The following NEUROD2 variants were observed in gnomAD, a reference collection of about 807,000 sequenced individuals.
The protein encoded by NEUROD2 is neuronal differentiation 2.
NEUROD2 carries 5 observed loss-of-function variants against 9.3 expected under a neutral mutation model. The ratio of observed to expected loss-of-function variants is 0.54; its 90% CI spans 0.28 to 1.13. The LOEUF is 1.13. NEUROD2 is among the 50% of genes most tolerant of loss of function. NEUROD2 has a pLI of 0.10. For missense variants in NEUROD2, 376 were observed against 549.2 expected, an observed-to-expected ratio of 0.68 and a Z score of 3.15; for synonymous variants, 277 against 257.3, an observed-to-expected ratio of 1.08 and a Z score of -0.73.
In NEUROD2 at chr17:39,605,695, G is replaced by T. The variant is rs772966261; in HGVS notation, c.905C>A (p.Pro302Gln). ...TGAGAAGTTGCCATTGAGACAGAGC[G>T]GGGGGCTGAGCGGGCCCTCGTACTC... ...SSEYEGPLSP[P>Q]LCLNGNFSLK... Residue 302 changes from proline (P) to glutamine (Q), a missense_variant, in exon 2 of 2, where the codon CCG becomes CAG. Pro to Gln is a moderately conservative substitution (Grantham distance 76). This residue lies in a region of NEUROD2 where 193 missense variants were observed against 255.8 expected (regional missense o/e 0.75). Transcript: ENST00000302584. This position sits in a 1 kb window ranked among gnomAD's most constrained non-coding sequence, Gnocchi z 6.8. 2.5e-6 allele frequency: 4 copies of T among 1,606,860 alleles called. No homozygotes were observed. The African/African-American group carries it at 5.4e-5, about 22-fold the overall frequency.
Position 39,605,374 on chromosome 17 carries a change from G to C in NEUROD2, c.*77C>G, listed in dbSNP as rs1274673328. On this transcript the variant is annotated 3_prime_UTR_variant, in exon 2 of 2. Coordinates refer to ENST00000302584, the MANE Select transcript of NEUROD2 (RefSeq NM_006160.4). This position sits in a 1 kb window ranked among gnomAD's most constrained non-coding sequence, Gnocchi z 6.8. ...CGCCCGGCGCCGGGGTAGGATGGGG[G>C]TGTCCCTGCGCTCTGGGGGCTGGGG... is the stretch of plus-strand genomic sequence containing the variant. The C allele has an allele frequency of 7.6e-6, 11 of 1,446,148 alleles. No homozygotes were observed. The highest frequency in any genetic ancestry group is 1.4e-5 in the African/African-American group (1 of 69,680). The allele number at this position is 1,446,148 out of a possible 1,614,324, so 89.6% of individuals were successfully genotyped here. A position where few individuals can be genotyped will look rare whatever the true frequency, so the allele number is the denominator to read the frequency against.
In NEUROD2 at chr17:39,606,463, G is replaced by A; in HGVS notation, c.137C>T (p.Pro46Leu). The A allele has an allele frequency of 6.5e-7, 1 of 1,532,296 alleles. No homozygotes were observed. The highest frequency in any genetic ancestry group is 8.7e-7 in the Non-Finnish European group (1 of 1,145,028). 94.9% of individuals were successfully genotyped at this position (1,532,296 alleles called of 1,614,324 possible). A position where few individuals can be genotyped will look rare whatever the true frequency, so the allele number is the denominator to read the frequency against. The change falls in exon 2 of 2, where the codon CCA (proline) becomes CTA (leucine). Residue 46 changes from proline (P) to leucine (L), a missense_variant. Around this residue, in one of 3 missense-constraint regions of NEUROD2, gnomAD observed 134 missense variants for 133.6 expected, o/e 1.00. Transcript: ENST00000302584. The surrounding 1 kb of genome is among the most constrained non-coding windows in gnomAD (Gnocchi z 7.8). Reference protein sequence around the residue: ...APPPPPPAPGPGAPGPARAAK... With the variant: ...APPPPPPAPGLGAPGPARAAK... ...CGCCCGGGCTGGCCCCGGAGCCCCT[G>A]GCCCGGGCGCAGGCGGTGGCGGTGG...
In NEUROD2 at chr17:39,606,935, T is replaced by G; in HGVS notation, c.-5-331A>C. The G allele has an allele frequency of 4.8e-5, 10 of 209,092 alleles. No homozygotes were observed. The highest frequency in any genetic ancestry group is 1.2e-4 in the Admixed American group (2 of 16,784). 13.0% of individuals were successfully genotyped at this position (209,092 alleles called of 1,614,324 possible). ...GGGGGTTTTAGGGACCAGATATCTT[T>G]GCCAGGGGAGGCGGCGCGCTCGCCC... On this transcript the variant is annotated intron_variant, in intron 1 of 1. Transcript: ENST00000302584. This position sits in a 1 kb window ranked among gnomAD's most constrained non-coding sequence, Gnocchi z 7.8.
Position 39,605,608 on chromosome 17 carries a change from G to C in NEUROD2, c.992C>G (p.Ala331Gly). 1 of 1,613,722 alleles carries C rather than the reference G, an allele frequency of 6.2e-7. No individual in the cohort carries two copies. Among genetic ancestry groups the C allele is most frequent in the Non-Finnish European group, 8.5e-7 (1 of 1,179,850 alleles). The change falls in exon 2 of 2, where the codon GCG (alanine) becomes GGG (glycine). Residue 331 changes from alanine (A) to glycine (G), a missense_variant. By Grantham distance (60) the Ala-to-Gly change is moderately conservative. Around this residue, in one of 3 missense-constraint regions of NEUROD2, gnomAD observed 193 missense variants for 255.8 expected, o/e 0.75. Coordinates refer to ENST00000302584, the MANE Select transcript of NEUROD2 (RefSeq NM_006160.4). This position sits in a 1 kb window ranked among gnomAD's most constrained non-coding sequence, Gnocchi z 6.8. ...GCCCGTGGGCCGCGAACCGGGCAGCGCCGAGTAGTGCATAGAGTAGTGGTA... is the reference window on the plus strand; with the variant it reads ...GCCCGTGGGCCGCGAACCGGGCAGCCCCGAGTAGTGCATAGAGTAGTGGTA... ...KSYHYSMHYS[A>G]LPGSRPTGHG...
rs1303378600 is a variant in NEUROD2, at chr17:39,605,240, G to C, written c.*211C>G. The C allele has an allele frequency of 1.8e-6, 1 of 552,534 alleles. No individual in the cohort carries two copies. Among genetic ancestry groups the C allele is most frequent in the Non-Finnish European group, 3.1e-6 (1 of 325,302 alleles). 34.2% of individuals were successfully genotyped at this position (552,534 alleles called of 1,614,324 possible). A position where few individuals can be genotyped will look rare whatever the true frequency, so the allele number is the denominator to read the frequency against. On this transcript the variant is annotated 3_prime_UTR_variant, in exon 2 of 2. Transcript: ENST00000302584. This position sits in a 1 kb window ranked among gnomAD's most constrained non-coding sequence, Gnocchi z 6.8. ...AGAGGAGGAGGGAACCCCTTGGGGAGAGAGAAGGCGAGTCCCCTGGGGGAA... is the reference window on the plus strand; with the variant it reads ...AGAGGAGGAGGGAACCCCTTGGGGACAGAGAAGGCGAGTCCCCTGGGGGAA...
In NEUROD2 at chr17:39,603,833, A is replaced by G. The variant is rs531657682; in HGVS notation, c.*1618T>C. 1 of 152,866 alleles carries G rather than the reference A, an allele frequency of 6.5e-6. No individual in the cohort carries two copies. Among genetic ancestry groups the G allele is most frequent in the South Asian group, 2.1e-4 (1 of 4,822 alleles). 9.5% of individuals were successfully genotyped at this position (152,866 alleles called of 1,614,324 possible). A position where few individuals can be genotyped will look rare whatever the true frequency, so the allele number is the denominator to read the frequency against. ...TCATTAAACTGAACAGAAACACGCAATGCACTTCGGGTGTCCGACGGGAGT... is the reference window on the plus strand; with the variant it reads ...TCATTAAACTGAACAGAAACACGCAGTGCACTTCGGGTGTCCGACGGGAGT... On this transcript the variant is annotated 3_prime_UTR_variant, in exon 2 of 2. Coordinates refer to ENST00000302584, the MANE Select transcript of NEUROD2 (RefSeq NM_006160.4).
In NEUROD2 at chr17:39,606,612, C is replaced by A; in HGVS notation, c.-5-8G>T. The A allele has an allele frequency of 6.5e-7, 1 of 1,538,034 alleles. No homozygotes were observed. The highest frequency in any genetic ancestry group is 1.2e-5 in the South Asian group (1 of 84,064). On this transcript the variant is annotated splice_region_variant and splice_polypyrimidine_tract_variant and intron_variant, in intron 1 of 1. Transcript: ENST00000302584. The surrounding 1 kb of genome is among the most constrained non-coding windows in gnomAD (Gnocchi z 7.8). ...GGCGGGTCAGCATGGTGCCTGAGGG[C>A]GCCCCGCGGGCGGGAAGGGGAGACA... is the stretch of plus-strand genomic sequence containing the variant.
chr17:39,607,707 G>T (rs1333507438), intron 1 of NEUROD2, 21 bp downstream of exon 1: 1 of 940,196 alleles, frequency 1.1e-6, no homozygotes, highest in Non-Finnish European at 1.3e-6. Flanking sequence ...GTCAGATCTC[G>T]CTCCCTTTCG....
In NEUROD2 at chr17:39,604,051, C is replaced by G. The variant is rs983413154; in HGVS notation, c.*1400G>C. ...AGCCCTCAGACCTCTCCCCGCCCAC[C>G]CACCAGCTAAAGCCAAGAGGACTCC... On this transcript the variant is annotated 3_prime_UTR_variant, in exon 2 of 2. Transcript: ENST00000302584. The G allele has an allele frequency of 1.3e-5, 2 of 152,716 alleles. No homozygotes were observed. The highest frequency in any genetic ancestry group is 2.4e-5 in the African/African-American group (1 of 41,436). 9.5% of individuals were successfully genotyped at this position (152,716 alleles called of 1,614,324 possible).
At position 39,605,699 on chromosome 17, in the gene NEUROD2, G is replaced by T. The variant is rs1265720537; in HGVS notation, c.901C>A (p.Pro301Thr). 3 of 1,605,926 alleles carry T rather than the reference G, an allele frequency of 1.9e-6. No individual in the cohort carries two copies. Among genetic ancestry groups the T allele is most frequent in the South Asian group, 2.2e-5 (2 of 89,858 alleles). ...AAGTTGCCATTGAGACAGAGCGGGGGGCTGAGCGGGCCCTCGTACTCGGAG... is the reference window on the plus strand; with the variant it reads ...AAGTTGCCATTGAGACAGAGCGGGGTGCTGAGCGGGCCCTCGTACTCGGAG... ...NSSEYEGPLSPPLCLNGNFSL... is the reference protein window; with the variant it reads ...NSSEYEGPLSTPLCLNGNFSL... The change falls in exon 2 of 2, where the codon CCC becomes ACC. Residue 301 changes from proline to threonine, a missense_variant. This residue lies in a region of NEUROD2 where 193 missense variants were observed against 255.8 expected (regional missense o/e 0.75). Coordinates refer to ENST00000302584, the MANE Select transcript of NEUROD2 (RefSeq NM_006160.4). This position sits in a 1 kb window ranked among gnomAD's most constrained non-coding sequence, Gnocchi z 6.8.
rs1326992807 is a variant in NEUROD2, at chr17:39,605,288, C to T, written c.*163G>A. The T allele has an allele frequency of 3.2e-6, 3 of 939,022 alleles. No individual in the cohort carries two copies. The highest frequency in any genetic ancestry group is 3.3e-5 in the African/African-American group (2 of 59,758). 58.2% of individuals were successfully genotyped at this position (939,022 alleles called of 1,614,324 possible). On this transcript the variant is annotated 3_prime_UTR_variant, in exon 2 of 2. Transcript: ENST00000302584. The surrounding 1 kb of genome is among the most constrained non-coding windows in gnomAD (Gnocchi z 6.8). The stretch of plus-strand genomic sequence containing the variant: ...GAAGCGAGGCCCCTGGGACAGGCCA[C>T]CCACAGGTAACAGGACTGCGCTGCC...
chr17:39,606,823 G>C lies in NEUROD2; in HGVS notation c.-5-219C>G, dbSNP rs1394798528. On this transcript the variant is annotated intron_variant, in intron 1 of 1. Coordinates refer to ENST00000302584, the MANE Select transcript of NEUROD2 (RefSeq NM_006160.4). This position sits in a 1 kb window ranked among gnomAD's most constrained non-coding sequence, Gnocchi z 7.8. ...GGATCTCGGCCCAGGCCCTCTCCCC[G>C]GCGCTGGGCCCCGGCTCCGCCCCTC... 1.0e-5 allele frequency: 5 copies of C among 493,326 alleles called. No homozygotes were observed. The highest frequency in any genetic ancestry group is 7.1e-5 in the East Asian group (2 of 28,100). 30.6% of individuals were successfully genotyped at this position (493,326 alleles called of 1,614,324 possible).
Position 39,606,848 on chromosome 17 carries a change from C to CGCTTGAAT in NEUROD2, c.-5-252_-5-245dup. 1 of 469,370 alleles carries CGCTTGAAT rather than the reference C, an allele frequency of 2.1e-6. No homozygotes were observed. Among genetic ancestry groups the CGCTTGAAT allele is most frequent in the Non-Finnish European group, 3.7e-6 (1 of 269,102 alleles). The allele number at this position is 469,370 out of a possible 1,614,324, so 29.1% of individuals were successfully genotyped here. A position where few individuals can be genotyped will look rare whatever the true frequency, so the allele number is the denominator to read the frequency against. On this transcript the variant is annotated intron_variant, in intron 1 of 1. Coordinates refer to ENST00000302584, the MANE Select transcript of NEUROD2 (RefSeq NM_006160.4). The surrounding 1 kb of genome is among the most constrained non-coding windows in gnomAD (Gnocchi z 7.8). ...GGCGCTGGGCCCCGGCTCCGCCCCT[C>CGCTTGAAT]GCTTGAATGGGGGGCTGCTCCCCGC...
At position 39,605,466 on chromosome 17, in the gene NEUROD2, C is replaced by A. The variant is rs773848127; in HGVS notation, c.1134G>T (p.Ala378=). The A allele has an allele frequency of 2.4e-5, 38 of 1,580,332 alleles. No homozygotes were observed. The South Asian group carries it at 4.0e-4, about 17-fold the overall frequency. The change falls in exon 2 of 2, where the codon GCG becomes GCT. Residue 378 remains alanine (A), a synonymous_variant. Transcript: ENST00000302584. The surrounding 1 kb of genome is among the most constrained non-coding windows in gnomAD (Gnocchi z 6.8). ...GCGCGAAGTCTCAGTTATGAAAAAA[C>A]GCATTGAGCTCCTCGTACATGGGGC... ...DRGPMYEELN[A]FFHN is the part of the protein sequence containing the mutation.
At position 39,606,183 on chromosome 17, in the gene NEUROD2, T is replaced by C; in HGVS notation, c.417A>G (p.Ala139=). 3 of 1,613,112 alleles carry C rather than the reference T, an allele frequency of 1.9e-6. No homozygotes were observed. In the South Asian group the frequency reaches 3.3e-5, roughly 18 times the overall value. The change falls in exon 2 of 2, where the codon GCA becomes GCG. Residue 139 remains alanine (A), a synonymous_variant. Transcript: ENST00000302584. The surrounding 1 kb of genome is among the most constrained non-coding windows in gnomAD (Gnocchi z 7.8). ...CCACCTTGCGCAGGTTGTCCAGGGCTGCGTTCAGGTCGTGCATGCGGTTGC... is the reference window on the plus strand; with the variant it reads ...CCACCTTGCGCAGGTTGTCCAGGGCCGCGTTCAGGTCGTGCATGCGGTTGC... ...RERNRMHDLN[A]ALDNLRKVVP... is the part of the protein sequence containing the mutation.
In NEUROD2 at chr17:39,604,378, A is replaced by T. The variant is rs1307334509; in HGVS notation, c.*1073T>A. On this transcript the variant is annotated 3_prime_UTR_variant, in exon 2 of 2. Transcript: ENST00000302584. ...CATACAAATTTGGAAACAGGTTTTT[A>T]AAAAACAGCATGACGCACAACGGGG... 1 of 152,790 alleles carries T rather than the reference A, an allele frequency of 6.5e-6. No homozygotes were observed. The highest frequency in any genetic ancestry group is 1.5e-5 in the Non-Finnish European group (1 of 68,046). 9.5% of individuals were successfully genotyped at this position (152,790 alleles called of 1,614,324 possible).
chr17:39,607,413 T>C (rs376355850), intron 1 of NEUROD2: 1 of 165,252 alleles, frequency 6.1e-6, no homozygotes, highest in South Asian at 2.0e-4. Flanking sequence ...GCTTCCCTTT[T>C]TTCGGTGGTG....
In NEUROD2 at chr17:39,605,102, G is replaced by A. The variant is rs1251248672; in HGVS notation, c.*349C>T. On this transcript the variant is annotated 3_prime_UTR_variant, in exon 2 of 2. Coordinates refer to ENST00000302584, the MANE Select transcript of NEUROD2 (RefSeq NM_006160.4). The surrounding 1 kb of genome is among the most constrained non-coding windows in gnomAD (Gnocchi z 6.8). ...CAGCTGCCCCCTTACCAACGCCTTG[G>A]GCCTGCAGGGAGGAGGGGGAGGAGG... The A allele has an allele frequency of 5.0e-6, 1 of 201,048 alleles. No homozygotes were observed. The highest frequency in any genetic ancestry group is 2.3e-5 in the African/African-American group (1 of 43,292). The allele number at this position is 201,048 out of a possible 1,614,324, so 12.5% of individuals were successfully genotyped here.
In NEUROD2 at chr17:39,605,484, C is replaced by T. The variant is rs1395506484; in HGVS notation, c.1116G>A (p.Met372Ile). ...DMHLHHDRGPMYEELNAFFHN is the reference protein window; with the variant it reads ...DMHLHHDRGPIYEELNAFFHN ...GAAAAAACGCATTGAGCTCCTCGTA[C>T]ATGGGGCCCCGGTCGTGGTGAAGGT... The change falls in exon 2 of 2, where the codon ATG (methionine) becomes ATA (isoleucine). Residue 372 changes from methionine to isoleucine, a missense_variant. Met to Ile is a conservative substitution (Grantham distance 10). This residue lies in a region of NEUROD2 where 193 missense variants were observed against 255.8 expected (regional missense o/e 0.75). Transcript: ENST00000302584. The surrounding 1 kb of genome is among the most constrained non-coding windows in gnomAD (Gnocchi z 6.8). The T allele has an allele frequency of 6.2e-7, 1 of 1,605,146 alleles. No individual in the cohort carries two copies. Among genetic ancestry groups the T allele is most frequent in the East Asian group, 2.2e-5 (1 of 44,548 alleles).
Sources: gnomAD v4.1 joint callset for allele counts on GRCh38, gnomAD v4.1.1 for gene constraint, gnomAD v4.1.1 regional missense constraint, Gnocchi (gnomAD v3.1) non-coding constraint, MANE v1.5 for transcripts, NCBI Gene and HGNC (gene_info 2026-07-23, HGNC 2026-07-21) for gene names.